Variants in GRIK2 observed in about 807,000 individuals in gnomAD.
The protein encoded by GRIK2 is glutamate ionotropic receptor kainate type subunit 2.
GRIK2 carries 32 observed loss-of-function variants against 100.3 expected under a neutral mutation model. The observed-to-expected ratio is 0.32, with a 90% CI of 0.24 to 0.43. GRIK2 has a LOEUF of 0.43. GRIK2 is among the 20% of genes least tolerant of loss of function. The pLI is 1.00. For missense variants in GRIK2, 843 were observed against 1,114.9 expected, an observed-to-expected ratio of 0.76 and a Z score of 3.47; for synonymous variants, 417 against 389.4, an observed-to-expected ratio of 1.07 and a Z score of -0.83.
chr6:101,934,898 A>C (rs1254722630), intron 14 of GRIK2, among the ~76,000 whole-genome samples: 1 of 152,028 alleles, frequency 6.6e-6, no homozygotes, highest in East Asian at 1.9e-4. Flanking sequence ...TCCACTTTGC[A>C]TATGCAGAAA....
At chr6:102,010,545 A>G (rs1392549012) in intron 14 of GRIK2, among the ~76,000 whole-genome samples, 2 of 151,646 alleles carry the variant, frequency 1.3e-5, no homozygotes, top group Admixed American at 1.3e-4. Context: ...CACCATGCCC[A>G]GCTAATTTTT....
At chr6:101,791,139 T>G (rs1206026062) in intron 7 of GRIK2, among the ~76,000 whole-genome samples, 1 of 152,230 alleles carries the variant, frequency 6.6e-6, no homozygotes, top group Non-Finnish European at 1.5e-5. Context: ...TCAATTTTGT[T>G]GATCCTTTCA....
At chr6:102,042,149 A>ACTT (rs542338839) in intron 15 of GRIK2, among the ~76,000 whole-genome samples, 273 of 151,794 alleles carry the variant, frequency 1.8e-3, no homozygotes, top group Non-Finnish European at 3.0e-3. Context: ...CATGTCTTGA[A>ACTT]CTTTTAGTAA....
At chr6:101,469,341 T>C (rs1771828216) in intron 2 of GRIK2, among the ~76,000 whole-genome samples, 1 of 152,296 alleles carries the variant, frequency 6.6e-6, no homozygotes, top group East Asian at 1.9e-4. Context: ...CCACACTCCT[T>C]AATACAAGAC....
At chr6:101,810,598 A>G (rs1216281796) in intron 9 of GRIK2, among the ~76,000 whole-genome samples, 1 of 152,072 alleles carries the variant, frequency 6.6e-6, no homozygotes, top group East Asian at 1.9e-4. Context: ...GGCAGGAAGC[A>G]CATAGGCTTT....
chr6:101,943,201 G>A (rs1187720830), intron 14 of GRIK2, among the ~76,000 whole-genome samples: 3 of 152,208 alleles, frequency 2.0e-5, no homozygotes, highest in Admixed American at 6.5e-5. Flanking sequence ...ATGTGGTGTT[G>A]GGCCTGTGGG....
At position 102,026,215 on chromosome 6, in the gene GRIK2, T is replaced by C. The variant is rs538570892; in HGVS notation, c.2086-9126T>C. Among the ~76,000 whole-genome samples, 49 of 147,512 alleles carry C rather than the reference T, an allele frequency of 3.3e-4. No homozygotes were observed. In the South Asian group the frequency reaches 9.1e-3, roughly 27 times the overall value. On this transcript the variant is annotated intron_variant, in intron 14 of 16. Coordinates refer to ENST00000369134, the MANE Select transcript of GRIK2 (RefSeq NM_021956.5). The stretch of plus-strand genomic sequence containing the variant: ...TACAAGTACTGTGTTTCTCTTTTGA[T>C]TGATTATGTAAAACAAGCAACGAGA...
intron 16 of GRIK2, 96 bp downstream of exon 16, chr6:102,055,676 A>G: frequency 1.3e-6 from 1 of 785,320 alleles, no homozygotes; most frequent in Non-Finnish European, 2.1e-6. Context: ...ACTAATGATA[A>G]TGCATAGAAC....
At chr6:102,042,826 A>C (rs1224465050) in intron 15 of GRIK2, among the ~76,000 whole-genome samples, 1 of 151,692 alleles carries the variant, frequency 6.6e-6, no homozygotes, top group East Asian at 2.0e-4. Context: ...TTAGTGTCAG[A>C]GTTTCATGGT....
intron 2 of GRIK2, among the ~76,000 whole-genome samples, chr6:101,543,619 C>G (rs902385072): frequency 2.0e-5 from 3 of 152,134 alleles, no homozygotes; most frequent in Admixed American, 6.5e-5. Flanking sequence ...CCTGGCCTCC[C>G]GAGCCTGTGT....
At chr6:101,775,799 T>C (rs1165516010) in intron 7 of GRIK2, among the ~76,000 whole-genome samples, 1 of 151,596 alleles carries the variant, frequency 6.6e-6, no homozygotes, top group Non-Finnish European at 1.5e-5. Flanking sequence ...TATATGTGTA[T>C]ATATATGGAA....
chr6:101,772,024 C>CT (rs1778441169), intron 7 of GRIK2, among the ~76,000 whole-genome samples: 1 of 152,072 alleles, frequency 6.6e-6, no homozygotes, highest in African/African-American at 2.4e-5. Context: ...AGTTATCTTT[C>CT]TTTTAAAGTA....
chr6:102,042,132 T>C (rs190091621), intron 15 of GRIK2, among the ~76,000 whole-genome samples: 186 of 151,824 alleles, frequency 1.2e-3, no homozygotes, highest in African/African-American at 4.3e-3. Context: ...GGTTTTCCAT[T>C]TCCAAACATG....
At chr6:101,960,584 A>C (rs1248666054) in intron 14 of GRIK2, among the ~76,000 whole-genome samples, 1 of 152,044 alleles carries the variant, frequency 6.6e-6, no homozygotes, top group Non-Finnish European at 1.5e-5. Context: ...TTCAGGGGCC[A>C]AGCCTCTGTA....
intron 2 of GRIK2, among the ~76,000 whole-genome samples, chr6:101,608,785 G>T (rs1779544784): frequency 1.3e-5 from 1 of 77,008 alleles, no homozygotes; most frequent in Admixed American, 1.4e-4. Flanking sequence ...TCATAGAGGG[G>T]TGTGTGTGTG....
In GRIK2 at chr6:101,532,551, A is replaced by T. The variant is rs202049415; in HGVS notation, c.116-89398A>T. On this transcript the variant is annotated intron_variant, in intron 2 of 16. Transcript: ENST00000369134. ...GTCTGGGGAGACCTTTTTTTTTTTT[A>T]AAGTTTTATTTGTGTCCTTAATATA... Among the ~76,000 whole-genome samples the T allele has an allele frequency of 4.4e-4, 51 of 115,504 alleles. No homozygotes were observed. The East Asian group carries it at 5.2e-3, about 12-fold the overall frequency. 75.8% of individuals were successfully genotyped at this position (115,504 alleles called of 152,430 possible).
chr6:101,819,563 A>G (rs1781830806), intron 10 of GRIK2, among the ~76,000 whole-genome samples: 1 of 152,158 alleles, frequency 6.6e-6, no homozygotes, highest in African/African-American at 2.4e-5. Flanking sequence ...CAAACGTCTA[A>G]GACACCCTTT....
At chr6:101,905,363 T>G (rs984690138) in intron 12 of GRIK2, among the ~76,000 whole-genome samples, 3 of 151,648 alleles carry the variant, frequency 2.0e-5, no homozygotes, top group Non-Finnish European at 3.0e-5. Flanking sequence ...ATTTCATTTA[T>G]AGTTAATGGG....
intron 11 of GRIK2, among the ~76,000 whole-genome samples, chr6:101,880,637 C>G (rs1786182594): frequency 6.6e-6 from 1 of 151,832 alleles, no homozygotes; most frequent in Non-Finnish European, 1.5e-5. Context: ...ATGATAATTA[C>G]CTTCTGAAAT....
Sources: allele counts gnomAD v4.1 joint callset (sites outside exome capture counted in the v4.1 genomes callset), GRCh38; gene constraint gnomAD v4.1.1; transcripts MANE v1.5; gene names NCBI Gene and HGNC (gene_info 2026-07-23, HGNC 2026-07-21).